The following PTH variants were observed in gnomAD, a reference collection of about 807,000 sequenced individuals.
PTH encodes parathormone.
A neutral mutation model predicts 7.4 loss-of-function variants in PTH; 7 were observed. The ratio of observed to expected loss-of-function variants is 0.94; its 90% confidence interval spans 0.53 to 1.77. The LOEUF is 1.77. PTH is among the 40% of genes most tolerant of loss of function. PTH has a pLI of 0.00. For missense variants in PTH, 128 were observed against 137.1 expected (o/e 0.93, Z 0.33); for synonymous variants, 51 against 46.6 (o/e 1.09, Z -0.39).
At position 13,492,633 on chromosome 11, in the gene PTH, A is replaced by G. The variant is rs977965204; in HGVS notation, c.120T>C (p.His40=). Residue 40 remains histidine (H), a synonymous_variant, in exon 3 of 3, where the codon CAT becomes CAC. Coordinates refer to ENST00000282091, the MANE Select transcript of PTH (RefSeq NM_000315.4). ...KRSVSEIQLM[H]NLGKHLNSME... The stretch of plus-strand genomic sequence containing the variant: ...TCGAGTTCAGATGTTTTCCCAGGTT[A>G]TGCATAAGCTGTATTTCACTCACAG... 1 of 1,614,106 alleles carries G rather than the reference A, an allele frequency of 6.2e-7. No individual in the cohort carries two copies. Among genetic ancestry groups the G allele is most frequent in the Non-Finnish European group, 8.5e-7 (1 of 1,180,008 alleles).
Position 13,492,475 on chromosome 11 carries a change from C to T in PTH, c.278G>A (p.Ser93Asn). The change falls in exon 3 of 3, where the codon AGC becomes AAC. Residue 93 changes from serine to asparagine, a missense_variant. Physicochemically the swap from Ser to Asn is conservative, Grantham distance 46. Transcript: ENST00000282091. Reference protein sequence around the residue: ...RKKEDNVLVESHEKSLGEADK... With the variant: ...RKKEDNVLVENHEKSLGEADK... The stretch of plus-strand genomic sequence containing the variant: ...TGCCTCTCCAAGACTTTTTTCATGG[C>T]TCTCAACCAAGACATTGTCTTCCTT... The T allele has an allele frequency of 6.2e-7, 1 of 1,614,134 alleles. No homozygotes were observed. The highest frequency in any genetic ancestry group is 8.5e-7 in the Non-Finnish European group (1 of 1,180,012).
chr11:13,494,260 T>C (rs1033334718), intron 1 of PTH, among the ~76,000 whole-genome samples: 9 of 152,166 alleles, frequency 5.9e-5, no homozygotes, highest in African/African-American at 2.2e-4. Context: ...CAGCCCTCCC[T>C]GCATCTACTC....
chr11:13,493,575 C>T (rs1847504258), intron 1 of PTH, among the ~76,000 whole-genome samples: 2 of 152,210 alleles, frequency 1.3e-5, no homozygotes, highest in Admixed American at 1.3e-4. Flanking sequence ...CACGCATCTG[C>T]GATCTCACCA....
At position 13,495,916 on chromosome 11, in the gene PTH, A is replaced by G. The variant is rs1368533251; in HGVS notation, c.-11T>C. The stretch of plus-strand genomic sequence containing the variant: ...GAATTTTTAAGTTTACTTACCATAC[A>G]ATGTCTTAGAACAAGATCTTCGTTC... On this transcript the variant is annotated 5_prime_UTR_variant, in exon 1 of 3. Transcript: ENST00000282091. 1.3e-5 allele frequency: 2 copies of G among 152,154 alleles called. No homozygotes were observed. The highest frequency in any genetic ancestry group is 4.8e-5 in the African/African-American group (2 of 41,444). The allele number at this position is 152,154 out of a possible 1,614,324, so 9.4% of individuals were successfully genotyped here. A position where few individuals can be genotyped will look rare whatever the true frequency, so the allele number is the denominator to read the frequency against.
rs201237944 is a variant in PTH, at chr11:13,492,523, G to T, written c.230C>A (p.Ala77Asp). Residue 77 changes from alanine (A) to aspartate (D), a missense_variant, in exon 3 of 3, where the codon GCT becomes GAT. Coordinates refer to ENST00000282091, the MANE Select transcript of PTH (RefSeq NM_000315.4). Reference protein sequence around the residue: ...ALGAPLAPRDAGSQRPRKKED... With the variant: ...ALGAPLAPRDDGSQRPRKKED... The stretch of plus-strand genomic sequence containing the variant: ...CTTTTTTCGGGGCCTCTGGGAACCA[G>T]CATCTCTGGGAGCTAGAGGAGCTCC... 4.3e-5 allele frequency: 70 copies of T among 1,614,126 alleles called. No homozygotes were observed. The Middle Eastern group carries it at 1.2e-3, about 27-fold the overall frequency.
intron 2 of PTH, 45 bp downstream of exon 2, chr11:13,492,725 A>G (rs1179983728): frequency 6.2e-7 from 1 of 1,613,816 alleles, no homozygotes; most frequent in Non-Finnish European, 8.5e-7. Flanking sequence ...TCGAAATGAT[A>G]AAGTCAACAT....
chr11:13,492,909 C>A (rs1847494300), intron 1 of PTH, 49 bp from the exon 2 acceptor site: 1 of 1,492,716 alleles, frequency 6.7e-7, no homozygotes, highest in Non-Finnish European at 9.2e-7. Context: ...TTTAATATTC[C>A]AAACTATAGT....
chr11:13,493,007 C>T, intron 1 of PTH, 147 bp from the exon 2 acceptor site: 2 of 717,694 alleles, frequency 2.8e-6, no homozygotes, highest in South Asian at 2.0e-5. Context: ...CATTAGTATA[C>T]ATTATATATA....
chr11:13,493,537 C>A (rs1324221409), intron 1 of PTH, among the ~76,000 whole-genome samples: 2 of 152,178 alleles, frequency 1.3e-5, no homozygotes, highest in Non-Finnish European at 2.9e-5. Context: ...TGATAAACAT[C>A]AAAAATGTAA....
chr11:13,493,743 A>C (rs1385168501), intron 1 of PTH, among the ~76,000 whole-genome samples: 1 of 152,230 alleles, frequency 6.6e-6, no homozygotes, highest in Non-Finnish European at 1.5e-5. Context: ...TCAGCTAATA[A>C]CTAATGGAAA....
rs1847483297 is a variant in PTH at position 13,492,328 on chromosome 11, T to C, written c.*77A>G. 5.1e-6 allele frequency: 8 copies of C among 1,571,934 alleles called. No individual in the cohort carries two copies. Among genetic ancestry groups the C allele is most frequent in the South Asian group, 3.4e-5 (3 of 89,228 alleles). On this transcript the variant is annotated 3_prime_UTR_variant, in exon 3 of 3. Transcript: ENST00000282091. The stretch of plus-strand genomic sequence containing the variant: ...AAATATTGGCACTTGGAAATCTTAA[T>C]AGAGCTTTGAATTAGCAGCATGTAT...
At chr11:13,494,222 C>T (rs1375598187) in intron 1 of PTH, among the ~76,000 whole-genome samples, 1 of 152,154 alleles carries the variant, frequency 6.6e-6, no homozygotes, top group Non-Finnish European at 1.5e-5. Context: ...AGAGAAGAGT[C>T]TCCAACAGAT....
chr11:13,495,469 G>A (rs1353735550), intron 1 of PTH, among the ~76,000 whole-genome samples: 2 of 151,984 alleles, frequency 1.3e-5, no homozygotes, highest in African/African-American at 4.8e-5. Context: ...TACAGATTGG[G>A]CTCTTTATGA....
rs1296811826 is a variant in PTH at position 13,492,798 on chromosome 11, GAA to G, written c.56_57del (p.Phe19SerfsTer10). On this transcript the variant is annotated frameshift_variant, in exon 2 of 3. Transcript: ENST00000282091. LOFTEE classifies it high-confidence loss of function. Reference protein sequence around the residue: ...KVMIVMLAICFLTKSDGKSVK... With the variant: ...KVMIVMLAICXLTKSDGKSVK... ...ACAGATTTCCCATCCGATTTTGTAA[GAA>G]AACAAATTGCCAACATGACAATCAT... is the stretch of plus-strand genomic sequence containing the variant. 1.4e-5 allele frequency: 23 copies of G among 1,613,844 alleles called. No individual in the cohort carries two copies. In the Middle Eastern group the frequency reaches 1.8e-3, roughly 127 times the overall value.
intron 1 of PTH, among the ~76,000 whole-genome samples, chr11:13,494,563 G>C (rs1342471241): frequency 6.6e-6 from 1 of 152,042 alleles, no homozygotes; most frequent in Non-Finnish European, 1.5e-5. Flanking sequence ...CTGCAAAAAG[G>C]GTCTCTAGCT....
intron 1 of PTH, among the ~76,000 whole-genome samples, chr11:13,493,154 CTATT>C (rs1460076729): frequency 6.6e-6 from 1 of 151,006 alleles, no homozygotes; most frequent in Non-Finnish European, 1.5e-5. Flanking sequence ...TTTTCTAAAT[CTATT>C]TGTACACTTA....
intron 1 of PTH, among the ~76,000 whole-genome samples, chr11:13,494,380 A>G (rs1366230492): frequency 6.6e-6 from 1 of 151,820 alleles, no homozygotes; most frequent in Non-Finnish European, 1.5e-5. Flanking sequence ...AAAATTCAGA[A>G]CCTCTGTGAT....
rs1847491689 is a variant in PTH at position 13,492,784 on chromosome 11, A to G, written c.72T>C (p.Asp24=). Residue 24 remains aspartate, a synonymous_variant, in exon 2 of 3, where the codon GAT becomes GAC. Coordinates refer to ENST00000282091, the MANE Select transcript of PTH (RefSeq NM_000315.4). The stretch of plus-strand genomic sequence containing the variant: ...ACAGTACTTACTTAACAGATTTCCC[A>G]TCCGATTTTGTAAGAAAACAAATTG... ...MLAICFLTKS[D]GKSVKKRSVS... 1.2e-6 allele frequency: 2 copies of G among 1,613,912 alleles called. No individual in the cohort carries two copies. The highest frequency in any genetic ancestry group is 1.7e-5 in the Admixed American group (1 of 59,930).
intron 1 of PTH, among the ~76,000 whole-genome samples, chr11:13,494,397 T>C (rs974821264): frequency 1.4e-4 from 22 of 152,148 alleles, no homozygotes; most frequent in African/African-American, 5.1e-4. Context: ...TGATAAGCAA[T>C]GCCTCTGTCA....
Sources: gnomAD v4.1 joint callset for allele counts (sites outside exome capture counted in the v4.1 genomes callset) on GRCh38, gnomAD v4.1.1 for gene constraint, MANE v1.5 for transcripts, NCBI Gene and HGNC (gene_info 2026-07-23, HGNC 2026-07-21) for gene names.